C12orf42: variants seen among roughly 807,000 people sequenced by gnomAD.
The protein encoded by C12orf42 is uncharacterized protein C12orf42.
C12orf42 carries 25 observed loss-of-function variants against 21.6 expected under a neutral mutation model. The ratio of observed to expected loss-of-function variants is 1.16; its 90% CI spans 0.84 to 1.62. The LOEUF is 1.62. Ranked by LOEUF, C12orf42 falls within the 40% of genes most tolerant of loss-of-function variation. C12orf42 has a pLI of 0.00. For synonymous variants in C12orf42, 174 were observed against 175.0 expected, an observed-to-expected ratio of 0.99 and a Z score of 0.05; for missense variants, 483 against 459.3, an observed-to-expected ratio of 1.05 and a Z score of -0.47.
chr12:103,462,050 A>G (rs994679874), intron 2 of C12orf42, among the ~76,000 whole-genome samples: 1 of 143,018 alleles, frequency 7.0e-6, no homozygotes, highest in African/African-American at 2.6e-5. Context: ...TAACAATCAT[A>G]TAGAAAGCTG....
intron 3 of C12orf42, among the ~76,000 whole-genome samples, chr12:103,391,802 G>A (rs1179956521): frequency 6.6e-6 from 1 of 151,506 alleles, no homozygotes; most frequent in African/African-American, 2.4e-5. Context: ...CCTGATAGTG[G>A]CTTTGATGCA....
At chr12:103,471,599 C>A (rs991072100) in intron 2 of C12orf42, among the ~76,000 whole-genome samples, 84 of 152,308 alleles carry the variant, frequency 5.5e-4, no homozygotes, top group Admixed American at 9.8e-4. Context: ...TAAGGTAACA[C>A]AGCCTCTAAA....
intron 4 of C12orf42, among the ~76,000 whole-genome samples, chr12:103,360,551 C>T (rs2044003976): frequency 6.6e-6 from 1 of 152,030 alleles, no homozygotes; most frequent in Admixed American, 6.6e-5. Flanking sequence ...AAGTTATACC[C>T]ATAATCTCAA....
At chr12:103,052,525 A>G in the C12orf42 span, among the ~76,000 whole-genome samples, 1 of 151,882 alleles carries the variant, frequency 6.6e-6, no homozygotes, top group African/African-American at 2.4e-5. Context: ...AATTGTCTGG[A>G]TTTTTTATTC....
intron 2 of C12orf42, among the ~76,000 whole-genome samples, chr12:103,464,531 T>C (rs1482772847): frequency 6.6e-6 from 1 of 152,142 alleles, no homozygotes; most frequent in Non-Finnish European, 1.5e-5. Context: ...TTCACTCTGA[T>C]GATAGTTTCT....
intron 2 of C12orf42, among the ~76,000 whole-genome samples, chr12:103,428,489 A>C (rs1950018167): frequency 6.6e-6 from 1 of 152,194 alleles, no homozygotes; most frequent in South Asian, 2.1e-4. Flanking sequence ...CCTAACAACA[A>C]AAAGAAAAGT....
At chr12:103,140,423 T>C in the C12orf42 span, among the ~76,000 whole-genome samples, 1 of 152,188 alleles carries the variant, frequency 6.6e-6, no homozygotes, top group Non-Finnish European at 1.5e-5. Flanking sequence ...TTACGCTCTT[T>C]GAATTCCTTT....
chr12:103,410,452 G>C (rs2048749510), intron 2 of C12orf42, among the ~76,000 whole-genome samples: 1 of 152,168 alleles, frequency 6.6e-6, no homozygotes, highest in African/African-American at 2.4e-5. Context: ...TTTTAAGTCA[G>C]GATAGCTTAA....
Position 103,302,518 on chromosome 12 carries a change from T to C in C12orf42, c.673A>G (p.Arg225Gly). The part of the protein sequence containing the change: ...RPSTAIGLCR[R>G]SQTPGALQST... ...TGCAGAGCGCCGGGCGTCTGGCTCC[T>C]CCTGCAGAGGCCGATGGCAGTGGAA... is the stretch of plus-strand genomic sequence containing the variant. The change falls in exon 6 of 6, where the codon AGG (arginine) becomes GGG (glycine). Residue 225 changes from arginine to glycine, a missense_variant. Coordinates refer to ENST00000548883, the MANE Select transcript of C12orf42 (RefSeq NM_198521.5). 7.4e-6 allele frequency: 12 copies of C among 1,612,658 alleles called. No individual in the cohort carries two copies. Among genetic ancestry groups the C allele is most frequent in the Non-Finnish European group, 1.0e-5 (12 of 1,179,624 alleles).
At chr12:103,352,108 T>C (rs151187419) in intron 4 of C12orf42, among the ~76,000 whole-genome samples, 1 of 152,226 alleles carries the variant, frequency 6.6e-6, no homozygotes, top group Non-Finnish European at 1.5e-5. Flanking sequence ...CTTGACATTG[T>C]AATTCTTCTT....
chr12:103,376,983 ACTTAT>A (rs1474975665), intron 3 of C12orf42, among the ~76,000 whole-genome samples: 1 of 151,234 alleles, frequency 6.6e-6, no homozygotes, highest in Non-Finnish European at 1.5e-5. Context: ...GCTTCCTTTA[ACTTAT>A]CTTTTCACTC....
chr12:103,124,155 CTTTTTTTTTTTTT>C, the C12orf42 span, among the ~76,000 whole-genome samples: 40 of 75,990 alleles, frequency 5.3e-4, no homozygotes, highest in African/African-American at 1.4e-3. Flanking sequence ...CAAACATAAG[CTTTTTTTTTTTTT>C]TTTTTTTTTT....
At chr12:103,330,594 A>G (rs1003718070) in intron 4 of C12orf42, among the ~76,000 whole-genome samples, 2 of 152,214 alleles carry the variant, frequency 1.3e-5, no homozygotes, top group African/African-American at 4.8e-5. Flanking sequence ...TCTATGTGAA[A>G]GGACAAAGGC....
At chr12:103,266,301 G>A (rs1028267882), downstream of C12orf42, among the ~76,000 whole-genome samples, 2 of 152,124 alleles carry the variant, frequency 1.3e-5, no homozygotes, top group Non-Finnish European at 2.9e-5. Context: ...AAGACTGGTT[G>A]TATTTATATC....
At chr12:103,365,704 A>G (rs376977713) in intron 4 of C12orf42, among the ~76,000 whole-genome samples, 4 of 152,040 alleles carry the variant, frequency 2.6e-5, no homozygotes, top group African/African-American at 9.6e-5. Context: ...AGAATCAAAT[A>G]AAAAACTCAA....
chr12:103,540,182 A>G, the C12orf42 span, among the ~76,000 whole-genome samples: 1 of 151,590 alleles, frequency 6.6e-6, no homozygotes, highest in African/African-American at 2.4e-5. Context: ...TAATTTTTGT[A>G]TTTTTAGTAG....
intron 3 of C12orf42, among the ~76,000 whole-genome samples, chr12:103,383,605 C>T (rs1450088585): frequency 1.3e-5 from 2 of 152,098 alleles, no homozygotes; most frequent in African/African-American, 4.8e-5. Flanking sequence ...TTCTCTGGCT[C>T]ACCATCATAT....
chr12:103,359,676 T>C (rs1277533550), intron 4 of C12orf42, among the ~76,000 whole-genome samples: 1 of 151,990 alleles, frequency 6.6e-6, no homozygotes, highest in Admixed American at 6.6e-5. Context: ...CATGAGACAA[T>C]TCATCCACCT....
the C12orf42 span, among the ~76,000 whole-genome samples, chr12:103,072,469 C>T: frequency 2.6e-5 from 4 of 151,812 alleles, no homozygotes; most frequent in Non-Finnish European, 5.9e-5. Context: ...AAATACATGG[C>T]CACAAATATA....
Sources: allele counts gnomAD v4.1 joint callset (sites outside exome capture counted in the v4.1 genomes callset), GRCh38; gene constraint gnomAD v4.1.1; transcripts MANE v1.5; gene names NCBI Gene and HGNC (gene_info 2026-07-23, HGNC 2026-07-21).